ANKS1B: variants seen among roughly 807,000 people sequenced by gnomAD.
ANKS1B encodes the protein ankyrin repeat and sterile alpha motif domain-containing protein 1B.
A neutral mutation model predicts 148.3 loss-of-function variants in ANKS1B; 36 were observed. That is an observed-to-expected ratio of 0.24 (90% CI 0.19 to 0.32). The LOEUF is 0.32. Ranked by LOEUF, ANKS1B falls within the 10% of genes least tolerant of loss-of-function variation. The probability of loss-of-function intolerance (pLI) is 1.00; values close to 1 mark genes in which losing one functional copy is unlikely to be tolerated. For missense variants in ANKS1B, 1,157 were observed against 1,542.6 expected (o/e 0.75, Z 4.19); for synonymous variants, 542 against 560.8 (o/e 0.97, Z 0.47).
At chr12:99,369,428 A>G (rs188901045) in intron 12 of ANKS1B, among the ~76,000 whole-genome samples, 2 of 152,330 alleles carry the variant, frequency 1.3e-5, no homozygotes, top group South Asian at 4.1e-4. Flanking sequence ...TTCTAGACTT[A>G]AAGAAACTTG....
Position 99,523,551 on chromosome 12 carries a change from CTTTTTTT to C in ANKS1B, c.1273-18917_1273-18911del, listed in dbSNP as rs71088130. On this transcript the variant is annotated intron_variant, in intron 9 of 26. Coordinates refer to ENST00000683438, the MANE Select transcript of ANKS1B (RefSeq NM_001352186.2). The stretch of plus-strand genomic sequence containing the variant: ...TAGCCTGATCTATACAAGGCATCTT[CTTTTTTT>C]TTTTTTTTTTTTTGAGACGGAGTCT... 2.0e-4 allele frequency among the ~76,000 whole-genome samples: 24 copies of C among 119,616 alleles called. No individual in the cohort carries two copies. In the South Asian group the frequency reaches 6.5e-3, roughly 32 times the overall value. The allele number at this position is 119,616 out of a possible 152,430, so 78.5% of individuals were successfully genotyped here. A position where few individuals can be genotyped will look rare whatever the true frequency, so the allele number is the denominator to read the frequency against.
intron 8 of ANKS1B, among the ~76,000 whole-genome samples, chr12:99,720,943 C>A (rs987194554): frequency 6.6e-6 from 1 of 152,216 alleles, no homozygotes; most frequent in Non-Finnish European, 1.5e-5. Flanking sequence ...ATAATCTTTG[C>A]TGGCAGGGCT....
rs898014048 is a variant in ANKS1B, at chr12:99,408,764, A to G, written c.1576-8953T>C. ...TGAGAAAAGGTGTTCAATATTACTGATCATATGAGAAATGCAAATTACAAC... is the reference window on the plus strand; with the variant it reads ...TGAGAAAAGGTGTTCAATATTACTGGTCATATGAGAAATGCAAATTACAAC... On this transcript the variant is annotated intron_variant, in intron 11 of 26. Coordinates refer to ENST00000683438, the MANE Select transcript of ANKS1B (RefSeq NM_001352186.2). Among the ~76,000 whole-genome samples the G allele has an allele frequency of 3.7e-4, 54 of 146,514 alleles. 7 individuals are homozygous for G. The highest frequency in any genetic ancestry group is 1.4e-3 in the African/African-American group (53 of 38,782).
intron 8 of ANKS1B, among the ~76,000 whole-genome samples, chr12:99,720,823 A>G (rs1477930498): frequency 3.3e-5 from 5 of 152,102 alleles, no homozygotes; most frequent in Non-Finnish European, 5.9e-5. Context: ...CTACTCATAC[A>G]TGCCCTGCTC....
At chr12:99,263,409 G>GTAACAACAATTTCCA (rs551138787) in intron 12 of ANKS1B, among the ~76,000 whole-genome samples, 224 of 152,156 alleles carry the variant, frequency 1.5e-3, no homozygotes, top group African/African-American at 5.2e-3. Flanking sequence ...CAACAATATT[G>GTAACAACAATTTCCA]AGAACAATTA....
At chr12:99,047,424 T>C (rs531302398) in intron 17 of ANKS1B, among the ~76,000 whole-genome samples, 2 of 152,138 alleles carry the variant, frequency 1.3e-5, no homozygotes, top group South Asian at 4.2e-4. Flanking sequence ...ATTTAAGAGA[T>C]AATGACTAAA....
At chr12:99,586,818 T>C (rs931440104) in intron 9 of ANKS1B, among the ~76,000 whole-genome samples, 2 of 152,118 alleles carry the variant, frequency 1.3e-5, no homozygotes, top group South Asian at 4.1e-4. Flanking sequence ...AACTCCCCTT[T>C]ATAAAACCAT....
At chr12:98,964,002 GC>G (rs2099875662) in intron 17 of ANKS1B, among the ~76,000 whole-genome samples, 1 of 152,096 alleles carries the variant, frequency 6.6e-6, no homozygotes, top group Non-Finnish European at 1.5e-5. Context: ...GGAGGCTGAG[GC>G]AAGAGAATTG....
chr12:98,966,452 G>C (rs1236934134), intron 17 of ANKS1B, among the ~76,000 whole-genome samples: 1 of 152,182 alleles, frequency 6.6e-6, no homozygotes. Context: ...CTGTTGGTGG[G>C]ACTGTAAACT....
At chr12:99,204,271 G>T (rs563567897) in intron 14 of ANKS1B, among the ~76,000 whole-genome samples, 29 of 152,304 alleles carry the variant, frequency 1.9e-4, no homozygotes, top group South Asian at 6.2e-4. Flanking sequence ...ATATCCTTCT[G>T]AAATGCTGGC....
intron 12 of ANKS1B, among the ~76,000 whole-genome samples, chr12:99,291,577 G>A (rs960326843): frequency 2.0e-5 from 3 of 152,108 alleles, no homozygotes; most frequent in Admixed American, 2.0e-4. Context: ...AGAGAACCCA[G>A]AAATAAATTC....
chr12:99,741,502 C>T (rs11110021), intron 8 of ANKS1B, among the ~76,000 whole-genome samples: 1,554 of 152,158 alleles, frequency 0.01, 29 homozygotes, highest in African/African-American at 0.035. Flanking sequence ...ACCCAAATGC[C>T]CATCAATGAT....
At position 98,745,656 on chromosome 12, in the gene ANKS1B, G is replaced by T; in HGVS notation, c.*83C>A. The T allele has an allele frequency of 1.3e-6, 2 of 1,562,862 alleles. No homozygotes were observed. The highest frequency in any genetic ancestry group is 1.7e-6 in the Non-Finnish European group (2 of 1,153,870). Reference sequence around the variant, plus strand: ...TCAGAGCAGTCTTCCTCCTGGGCTGGGTGGACGCGGAGGCGCGAAGGAAAG... The same window carrying T: ...TCAGAGCAGTCTTCCTCCTGGGCTGTGTGGACGCGGAGGCGCGAAGGAAAG... On this transcript the variant is annotated 3_prime_UTR_variant, in exon 27 of 27. Coordinates refer to ENST00000683438, the MANE Select transcript of ANKS1B (RefSeq NM_001352186.2).
intron 17 of ANKS1B, among the ~76,000 whole-genome samples, chr12:98,838,932 C>T (rs2099390462): frequency 6.6e-6 from 1 of 152,234 alleles, no homozygotes; most frequent in Admixed American, 6.5e-5. Flanking sequence ...CACTTTCCAC[C>T]TGAAAGCATC....
At chr12:99,276,012 A>G (rs1040650543) in intron 12 of ANKS1B, among the ~76,000 whole-genome samples, 3 of 152,228 alleles carry the variant, frequency 2.0e-5, no homozygotes, top group Admixed American at 2.0e-4. Context: ...GAAGTAGTAA[A>G]TTAAGAAGTA....
intron 14 of ANKS1B, among the ~76,000 whole-genome samples, chr12:99,160,640 G>A (rs901210875): frequency 1.2e-4 from 18 of 151,844 alleles, no homozygotes; most frequent in Admixed American, 6.6e-5. Context: ...GAGCCACCAC[G>A]CCCAGCCTCT....
At chr12:99,847,028 A>G (rs1294899905) in intron 1 of ANKS1B, among the ~76,000 whole-genome samples, 1 of 152,022 alleles carries the variant, frequency 6.6e-6, no homozygotes, top group African/African-American at 2.4e-5. Flanking sequence ...ACCCTAAATT[A>G]TGATGTTTTG....
chr12:99,279,277 C>T (rs1038634318), intron 12 of ANKS1B, among the ~76,000 whole-genome samples: 4 of 152,188 alleles, frequency 2.6e-5, no homozygotes, highest in African/African-American at 9.7e-5. Flanking sequence ...AATTGAATTA[C>T]ATCAGCTCTA....
At chr12:99,433,787 A>C (rs7303478) in intron 11 of ANKS1B, among the ~76,000 whole-genome samples, 63,771 of 151,800 alleles carry the variant, frequency 0.42, 15,419 homozygotes, top group African/African-American at 0.66. Context: ...ATGAGAACAC[A>C]TGGGGAGTGA....
Sources: allele counts gnomAD v4.1 joint callset (sites outside exome capture counted in the v4.1 genomes callset), GRCh38; gene constraint gnomAD v4.1.1; transcripts MANE v1.5; gene names NCBI Gene and HGNC (gene_info 2026-07-23, HGNC 2026-07-21).